The following NCF4 variants were observed in gnomAD, a reference collection of about 807,000 sequenced individuals.
NCF4 encodes the protein neutrophil cytosolic factor 4, also known as neutrophil cytosol factor 4.
A neutral mutation model predicts 41.7 loss-of-function variants in NCF4; 30 were observed. The observed-to-expected ratio is 0.72, with a 90% CI of 0.54 to 0.97. The LOEUF is 0.97. Ranked by LOEUF, NCF4 falls within the 50% of genes least tolerant of loss-of-function variation. NCF4 has a pLI of 0.00. For missense variants in NCF4, 432 were observed against 460.9 expected (o/e 0.94, Z 0.57); for synonymous variants, 195 against 175.8 (o/e 1.11, Z -0.87).
At chr22:36,868,053 C>G (rs954435920) in intron 4 of NCF4, among the ~76,000 whole-genome samples, 3 of 152,148 alleles carry the variant, frequency 2.0e-5, no homozygotes, top group Non-Finnish European at 2.9e-5. Context: ...GAGATGGGAG[C>G]GTAGAGGAAG....
chr22:36,861,298 T>A (rs1208594991), intron 1 of NCF4, 95 bp downstream of exon 1: 24 of 1,446,984 alleles, frequency 1.7e-5, no homozygotes, highest in Non-Finnish European at 2.3e-5. Context: ...CTGATCAACA[T>A]GAGAGGCTGG....
At chr22:36,867,552 A>G (rs931588716) in intron 4 of NCF4, 90 bp downstream of exon 4, 9 of 1,418,614 alleles carry the variant, frequency 6.3e-6, no homozygotes, top group Middle Eastern at 1.7e-4. Flanking sequence ...TGGCTTTGGG[A>G]ACTGGGGCTG....
chr22:36,867,325 G>A (rs1039274970), intron 3 of NCF4, 67 bp from the exon 4 acceptor site: 2 of 1,561,926 alleles, frequency 1.3e-6, no homozygotes, highest in African/African-American at 1.4e-5. Context: ...CTGGCCTGTA[G>A]GGGCAGCCCT....
intron 5 of NCF4, among the ~76,000 whole-genome samples, chr22:36,871,394 G>A (rs550300135): frequency 1.8e-4 from 28 of 152,362 alleles, no homozygotes; most frequent in African/African-American, 5.3e-4. Context: ...CCGAATGAGC[G>A]TGTATCCCCT....
intron 8 of NCF4, 85 bp from the exon 9 acceptor site, chr22:36,875,944 C>A: frequency 4.3e-6 from 7 of 1,614,194 alleles, no homozygotes; most frequent in South Asian, 1.1e-5. Flanking sequence ...TCCAGGGTGG[C>A]CTGGCCAGCC....
rs531114537 is a variant in NCF4, at chr22:36,871,954, C to T, written c.528+245C>T. On this transcript the variant is annotated intron_variant, in intron 6 of 9. Coordinates refer to ENST00000248899, the MANE Select transcript of NCF4 (RefSeq NM_000631.5). ...GAATGCTTCCATCCCTACGCTCATC[C>T]GGACAGTTTACCTGGGCCTCCTCTG... 5.9e-5 allele frequency among the ~76,000 whole-genome samples: 9 copies of T among 152,382 alleles called. No homozygotes were observed. In the South Asian group the frequency reaches 6.2e-4, roughly 11 times the overall value.
rs750610795 is a variant in NCF4, at chr22:36,875,971, C to T, written c.759-58C>T. 33 of 1,613,882 alleles carry T rather than the reference C, an allele frequency of 2.0e-5. No homozygotes were observed. Among genetic ancestry groups the T allele is most frequent in the Non-Finnish European group, 2.6e-5 (31 of 1,179,966 alleles). On this transcript the variant is annotated intron_variant, in intron 8 of 9. Coordinates refer to ENST00000248899, the MANE Select transcript of NCF4 (RefSeq NM_000631.5). Reference sequence around the variant, plus strand: ...TGGCCAGCCTCATTCCCCTTTCCCCCACCCCACACCCCACTTCCAGCCTGA... The same window carrying T: ...TGGCCAGCCTCATTCCCCTTTCCCCTACCCCACACCCCACTTCCAGCCTGA...
intron 1 of NCF4, 130 bp from the exon 2 acceptor site, chr22:36,863,915 G>C: frequency 1.1e-6 from 1 of 873,232 alleles, no homozygotes; most frequent in Admixed American, 1.7e-5. Context: ...GACCTGGCCT[G>C]GGAAGGGGTG....
rs13057803 is a variant in NCF4, at chr22:36,864,098, T to A, written c.86T>A (p.Ile29Asn). The A allele has an allele frequency of 6.2e-7, 1 of 1,614,102 alleles. No homozygotes were observed. The highest frequency in any genetic ancestry group is 1.1e-5 in the South Asian group (1 of 91,078). ...DVAISANIAD[I>N]EEKRGFTSHF... Reference sequence around the variant, plus strand: ...GCCATCTCGGCCAACATTGCTGACATCGAGGAGAAGAGAGGCTTCACCAGC... The same window carrying A: ...GCCATCTCGGCCAACATTGCTGACAACGAGGAGAAGAGAGGCTTCACCAGC... Residue 29 changes from isoleucine (I) to asparagine (N), a missense_variant, in exon 2 of 10, where the codon ATC becomes AAC. Physicochemically the swap from Ile to Asn is moderately radical, Grantham distance 149. Coordinates refer to ENST00000248899, the MANE Select transcript of NCF4 (RefSeq NM_000631.5).
intron 2 of NCF4, among the ~76,000 whole-genome samples, 188 bp from the exon 3 acceptor site, chr22:36,864,731 T>C (rs937536362): frequency 4.6e-5 from 7 of 152,116 alleles, no homozygotes; most frequent in Non-Finnish European, 7.4e-5. Context: ...TTTCTTTTTT[T>C]TTCGCAAAGC....
chr22:36,871,103 C>T (rs577105484), intron 5 of NCF4, among the ~76,000 whole-genome samples: 2 of 152,186 alleles, frequency 1.3e-5, no homozygotes, highest in African/African-American at 2.4e-5. Flanking sequence ...AAAAGCAGGA[C>T]GGAGCTCCTG....
chr22:36,867,261 A>G, intron 3 of NCF4, 131 bp from the exon 4 acceptor site: 2 of 927,702 alleles, frequency 2.2e-6, no homozygotes, highest in Non-Finnish European at 3.5e-6. Context: ...AGTGCTGTGA[A>G]AAGATAACAG....
intron 6 of NCF4, 137 bp from the exon 7 acceptor site, chr22:36,872,190 G>A: frequency 1.3e-6 from 1 of 772,076 alleles, no homozygotes; most frequent in Non-Finnish European, 2.3e-6. Context: ...AAATGGGGTG[G>A]CCTCAGAGAA....
At chr22:36,870,252 TGA>T in intron 4 of NCF4, 161 bp from the exon 5 acceptor site, 1 of 1,016,266 alleles carries the variant, frequency 9.8e-7, no homozygotes, top group South Asian at 1.4e-5. Context: ...TTCAGCATGC[TGA>T]GTTTTCTTAT....
chr22:36,863,969 C>T (rs1349173501), intron 1 of NCF4, 76 bp from the exon 2 acceptor site: 1 of 1,388,762 alleles, frequency 7.2e-7, no homozygotes, highest in Middle Eastern at 1.8e-4. Context: ...TTGCTTTGCA[C>T]TCTACCTCAT....
intron 2 of NCF4, 89 bp downstream of exon 2, chr22:36,864,218 C>T: frequency 9.1e-7 from 1 of 1,101,608 alleles, no homozygotes; most frequent in Non-Finnish European, 1.4e-6. Flanking sequence ...TCTGAACCTC[C>T]AATTCTCTGA....
Position 36,875,981 on chromosome 22 carries a change from C to T in NCF4, c.759-48C>T, listed in dbSNP as rs200504193. The T allele has an allele frequency of 8.7e-6, 14 of 1,613,990 alleles. No individual in the cohort carries two copies. In the African/African-American group the frequency reaches 1.7e-4, roughly 20 times the overall value. ...CATTCCCCTTTCCCCCACCCCACAC[C>T]CCACTTCCAGCCTGATGCCTCCTTA... On this transcript the variant is annotated intron_variant, in intron 8 of 9. Transcript: ENST00000248899.
chr22:36,872,743 TTGGAGGTGAGGA>T (rs1362852370), intron 7 of NCF4, among the ~76,000 whole-genome samples: 1 of 46,400 alleles, frequency 2.2e-5, no homozygotes, highest in Non-Finnish European at 4.3e-5. Context: ...GGAGATGAGA[TTGGAGGTGAGGA>T]TGGAGGTGAG....
chr22:36,876,947 C>T (rs1940205741), intron 9 of NCF4, among the ~76,000 whole-genome samples: 1 of 152,152 alleles, frequency 6.6e-6, no homozygotes, highest in Admixed American at 6.5e-5. Context: ...CTTCCCGCAC[C>T]CAGGCCAGAC....
Sources: allele counts gnomAD v4.1 joint callset (sites outside exome capture counted in the v4.1 genomes callset), GRCh38; gene constraint gnomAD v4.1.1; transcripts MANE v1.5; gene names NCBI Gene and HGNC (gene_info 2026-07-23, HGNC 2026-07-21).